The following CNTRL variants were observed in gnomAD, a reference collection of about 807,000 sequenced individuals.
The protein encoded by CNTRL is centriolin.
In CNTRL, 233 loss-of-function variants were observed where a neutral mutation model predicts 303.7. The ratio of observed to expected loss-of-function variants is 0.77; its 90% CI spans 0.69 to 0.86. The LOEUF (loss-of-function observed/expected upper bound fraction) is 0.86. CNTRL is among the 40% of genes least tolerant of loss of function. CNTRL has a pLI of 0.00. For synonymous variants in CNTRL, 900 were observed against 922.2 expected, an observed-to-expected ratio of 0.98 and a Z score of 0.44; for missense variants, 2,524 against 2,650.6, an observed-to-expected ratio of 0.95 and a Z score of 1.05.
chr9:121,134,139 CT>C (rs1184874639), intron 14 of CNTRL, among the ~76,000 whole-genome samples: 3 of 152,032 alleles, frequency 2.0e-5, no homozygotes, highest in Non-Finnish European at 2.9e-5. Context: ...TAGACACATA[CT>C]TTTTTCCTTT....
At chr9:121,080,013 G>A (rs2048078518) in intron 1 of CNTRL, among the ~76,000 whole-genome samples, 1 of 152,118 alleles carries the variant, frequency 6.6e-6, no homozygotes, top group Non-Finnish European at 1.5e-5. Context: ...ACAGGCACCT[G>A]CCGCCCATGG....
chr9:121,120,134 G>T (rs901519038), intron 12 of CNTRL, among the ~76,000 whole-genome samples: 6 of 151,318 alleles, frequency 4.0e-5, no homozygotes, highest in African/African-American at 1.5e-4. Context: ...TTTTTTTAAA[G>T]AACTTTAAGA....
chr9:121,111,829 AG>A (rs11348525), intron 8 of CNTRL, among the ~76,000 whole-genome samples: 19,404 of 152,194 alleles, frequency 0.13, 1,359 homozygotes, highest in East Asian at 0.18. Flanking sequence ...AAAATTTCTA[AG>A]AATAAAAAGT....
At chr9:121,161,148 G>A (rs531641501) in intron 32 of CNTRL, 5 of 380,650 alleles carry the variant, frequency 1.3e-5, no homozygotes, top group Admixed American at 9.4e-5. Context: ...GTGTGTGTGC[G>A]CGCGTGCTCA....
chr9:121,087,049 C>T (rs536165643), intron 2 of CNTRL, among the ~76,000 whole-genome samples: 3 of 152,192 alleles, frequency 2.0e-5, no homozygotes, highest in South Asian at 4.1e-4. Flanking sequence ...CAGTTAGAAG[C>T]TGTTATAGTA....
chr9:121,176,126 TTATA>T (rs1321938369), intron 43 of CNTRL, among the ~76,000 whole-genome samples: 1 of 152,172 alleles, frequency 6.6e-6, no homozygotes, highest in Non-Finnish European at 1.5e-5. Flanking sequence ...ATACAAAACT[TTATA>T]TATATCATCT....
At chr9:121,078,313 C>T (rs751514563) in intron 1 of CNTRL, among the ~76,000 whole-genome samples, 3 of 151,922 alleles carry the variant, frequency 2.0e-5, no homozygotes, top group Non-Finnish European at 4.4e-5. Flanking sequence ...TAGGTTGGGG[C>T]GGGACAATCA....
chr9:121,131,200 CT>C (rs952727240), intron 14 of CNTRL, among the ~76,000 whole-genome samples: 7 of 152,170 alleles, frequency 4.6e-5, no homozygotes, highest in African/African-American at 1.7e-4. Context: ...AACCTTCTGT[CT>C]TGTTGATCTG....
rs117009473 is a variant in CNTRL at position 121,153,223 on chromosome 9, G to A, written c.4172+530G>A. ...TTCCATGTCTTCTCTCTTGGTCTAC[G>A]CTGTATCTTGACACACTGCAAATCT... On this transcript the variant is annotated intron_variant, in intron 26 of 43. Transcript: ENST00000373855. Among the ~76,000 whole-genome samples the A allele has an allele frequency of 1.0e-3, 157 of 152,150 alleles. 1 individual carries two copies. In the East Asian group the frequency reaches 0.022, roughly 21 times the overall value.
intron 14 of CNTRL, among the ~76,000 whole-genome samples, chr9:121,132,578 A>G (rs184265960): frequency 2.4e-3 from 368 of 152,282 alleles, no homozygotes; most frequent in Non-Finnish European, 4.2e-3. Flanking sequence ...GGGTTCAAAC[A>G]TCGTCCTTTA....
chr9:121,100,885 T>C (rs1401732618), intron 7 of CNTRL, among the ~76,000 whole-genome samples: 1 of 152,168 alleles, frequency 6.6e-6, no homozygotes, highest in Non-Finnish European at 1.5e-5. Context: ...ATGCACCCAA[T>C]ACAGGAGAAT....
At chr9:121,092,011 GTATT>G (rs762628775) in intron 4 of CNTRL, among the ~76,000 whole-genome samples, 4 of 143,994 alleles carry the variant, frequency 2.8e-5, no homozygotes, top group South Asian at 2.2e-4. Context: ...TAGTCAACAA[GTATT>G]TATTTAGCAC....
At chr9:121,152,745 T>A in intron 26 of CNTRL, 52 bp downstream of exon 26, 2 of 1,342,162 alleles carry the variant, frequency 1.5e-6, no homozygotes, top group Non-Finnish European at 2.1e-6. Flanking sequence ...AGTTCATTAA[T>A]GCTGTCGAAC....
intron 39 of CNTRL, 156 bp from the exon 40 acceptor site, chr9:121,171,252 C>A (rs1027558042): frequency 1.3e-6 from 1 of 756,190 alleles, no homozygotes; most frequent in Non-Finnish European, 2.3e-6. Context: ...TGTATTTGAT[C>A]TGCCCATGAA....
At chr9:121,116,199 A>T (rs913243807) in intron 11 of CNTRL, among the ~76,000 whole-genome samples, 2 of 152,166 alleles carry the variant, frequency 1.3e-5, no homozygotes, top group African/African-American at 4.8e-5. Flanking sequence ...GCTAAGATAC[A>T]AAGGATGAGA....
Position 121,113,672 on chromosome 9 carries a change from CCA to C in CNTRL, c.1299_1300del (p.Pro434ThrfsTer24), listed in dbSNP as rs2133164104. The C allele has an allele frequency of 6.3e-7, 1 of 1,595,020 alleles. No individual in the cohort carries two copies. On this transcript the variant is annotated frameshift_variant, in exon 10 of 44. Transcript: ENST00000373855. LOFTEE classifies it high-confidence loss of function. ...GAAATGATCACATGAACTTGAGAGGCCACACACCACTGGACACGCAACTGGAA... is the reference window on the plus strand; with the variant it reads ...GAAATGATCACATGAACTTGAGAGGCCACACCACTGGACACGCAACTGGAA... Reference protein sequence around the residue: ...LRNDHMNLRGHTPLDTQLEDK... With the variant: ...LRNDHMNLRGXTPLDTQLEDK...
At chr9:121,120,017 A>T (rs186629884) in intron 12 of CNTRL, among the ~76,000 whole-genome samples, 4 of 151,934 alleles carry the variant, frequency 2.6e-5, no homozygotes, top group African/African-American at 9.7e-5. Context: ...CTCTGTCTCT[A>T]CTCTAAGAAG....
At position 121,118,415 on chromosome 9, in the gene CNTRL, C is replaced by T. The variant is rs370222725; in HGVS notation, c.1525C>T (p.Arg509Cys). Reference sequence around the variant, plus strand: ...TAGACTACAACTTGTAAATAAATTACGCCAGGAAGCTCTGGATCTAGAACT... The same window carrying T: ...TAGACTACAACTTGTAAATAAATTATGCCAGGAAGCTCTGGATCTAGAACT... Reference protein sequence around the residue: ...SGRLQLVNKLRQEALDLELQM... With the variant: ...SGRLQLVNKLCQEALDLELQM... Residue 509 changes from arginine (R) to cysteine (C), a missense_variant, in exon 12 of 44, where the codon CGC becomes TGC. Physicochemically the swap from Arg to Cys is radical, Grantham distance 180. Coordinates refer to ENST00000373855, the MANE Select transcript of CNTRL (RefSeq NM_007018.6). The T allele has an allele frequency of 4.3e-5, 69 of 1,611,638 alleles. No individual in the cohort carries two copies. Among genetic ancestry groups the T allele is most frequent in the African/African-American group, 2.5e-4 (19 of 74,834 alleles).
In CNTRL at chr9:121,177,181, AGAT is replaced by A; in HGVS notation, c.6976_6978del (p.Ter2326delextTer20). 6.2e-7 allele frequency: 1 copy of A among 1,610,822 alleles called. No homozygotes were observed. The highest frequency in any genetic ancestry group is 8.5e-7 in the Non-Finnish European group (1 of 1,177,520). ...ACTGTAGGAAAAGAATGCCTCAGCC[AGAT>A]GAGGAATACTGTCTTGTGTAAATAT... On this transcript the variant is annotated stop_lost and inframe_deletion, in exon 44 of 44. Transcript: ENST00000373855.
Sources: gnomAD v4.1 joint callset for allele counts (sites outside exome capture counted in the v4.1 genomes callset) on GRCh38, gnomAD v4.1.1 for gene constraint, MANE v1.5 for transcripts, NCBI Gene and HGNC (gene_info 2026-07-23, HGNC 2026-07-21) for gene names.